The following SP100 variants were observed in gnomAD, a reference collection of about 807,000 sequenced individuals.
SP100 encodes SP100 nuclear body protein, also known as nuclear autoantigen Sp-100.
A neutral mutation model predicts 130.0 loss-of-function variants in SP100; 84 were observed. The observed-to-expected ratio is 0.65, with a 90% CI of 0.54 to 0.77. The LOEUF (loss-of-function observed/expected upper bound fraction) is 0.77. Among genes scored for constraint, SP100 ranks in the 30% least tolerant of loss-of-function variants. The probability of loss-of-function intolerance (pLI) is 0.00; values close to 1 mark genes in which losing one functional copy is unlikely to be tolerated. For synonymous variants in SP100, 331 were observed against 351.7 expected (o/e 0.94, Z 0.66); for missense variants, 978 against 1,052.2 (o/e 0.93, Z 0.97).
At chr2:230,416,390 T>TAGGCACAAACTGAACTAAAGGCA in intron 1 of SP100, 62 bp downstream of exon 1, 2 of 1,422,356 alleles carry the variant, frequency 1.4e-6, no homozygotes, top group Non-Finnish European at 2.0e-6. Flanking sequence ...TTTCATGCCT[T>TAGGCACAAACTGAACTAAAGGCA]TAGTTCAGTT....
chr2:230,499,900 G>A (rs2066919610), intron 19 of SP100, among the ~76,000 whole-genome samples: 1 of 152,072 alleles, frequency 6.6e-6, no homozygotes, highest in African/African-American at 2.4e-5. Context: ...CCAGAGAAAT[G>A]TGGCCTCTCT....
chr2:230,479,711 C>T lies in SP100; in HGVS notation c.1600+5264C>T, dbSNP rs79628673. Among the ~76,000 whole-genome samples the T allele has an allele frequency of 2.9e-3, 447 of 152,344 alleles. 1 individual carries two copies. Among genetic ancestry groups the T allele is most frequent in the African/African-American group, 0.01 (435 of 41,584 alleles). On this transcript the variant is annotated intron_variant, in intron 17 of 28. Transcript: ENST00000340126. ...ATCCCCCAACCAATAGTGTGGAAGGCTTCAGCACAGATGCCAAGATTTTGA... is the reference window on the plus strand; with the variant it reads ...ATCCCCCAACCAATAGTGTGGAAGGTTTCAGCACAGATGCCAAGATTTTGA...
rs370194423 is a variant in SP100, at chr2:230,544,819, A to G, written c.*1873A>G. The stretch of plus-strand genomic sequence containing the variant: ...CCAAAAGAAGATACACATGCGGCCA[A>G]CAAGCATGTTTTAAAAGCTCAATAT... On this transcript the variant is annotated 3_prime_UTR_variant, in exon 29 of 29. Transcript: ENST00000340126. Among the ~76,000 whole-genome samples the G allele has an allele frequency of 1.3e-5, 2 of 152,236 alleles. No individual in the cohort carries two copies. Among genetic ancestry groups the G allele is most frequent in the South Asian group, 2.1e-4 (1 of 4,834 alleles).
chr2:230,450,958 T>C (rs2063950856), intron 8 of SP100, among the ~76,000 whole-genome samples: 1 of 152,206 alleles, frequency 6.6e-6, no homozygotes, highest in Admixed American at 6.5e-5. Flanking sequence ...AGAGCAGATA[T>C]CTCTTCCATA....
chr2:230,474,136 G>T (rs1460549224), intron 16 of SP100, among the ~76,000 whole-genome samples: 2 of 152,164 alleles, frequency 1.3e-5, no homozygotes, highest in Non-Finnish European at 2.9e-5. Context: ...AGCTGAACAG[G>T]ATAACCGTTG....
chr2:230,481,344 GTCA>G (rs928112017), intron 17 of SP100, among the ~76,000 whole-genome samples: 9 of 152,038 alleles, frequency 5.9e-5, no homozygotes, highest in African/African-American at 2.2e-4. Flanking sequence ...TCCCAAACTT[GTCA>G]TCCTCATCAG....
chr2:230,437,013 T>C (rs2063314740), intron 2 of SP100, among the ~76,000 whole-genome samples: 1 of 151,908 alleles, frequency 6.6e-6, no homozygotes, highest in Non-Finnish European at 1.5e-5. Flanking sequence ...CACACACACA[T>C]ATATATGTAA....
chr2:230,469,187 A>G, intron 14 of SP100, 91 bp downstream of exon 14: 2 of 820,920 alleles, frequency 2.4e-6, no homozygotes, highest in South Asian at 3.3e-5. Flanking sequence ...TTTAAAATAA[A>G]AAATTAATTT....
At chr2:230,542,810 T>G in intron 28 of SP100, 26 bp from the exon 29 acceptor site, 2 of 1,387,946 alleles carry the variant, frequency 1.4e-6, no homozygotes, top group Non-Finnish European at 2.1e-6. Flanking sequence ...ATAACTGCTA[T>G]ATTGTTTTTT....
intron 2 of SP100, chr2:230,440,341 A>G (rs1346948995): frequency 4.0e-6 from 1 of 251,624 alleles, no homozygotes; most frequent in Admixed American, 5.5e-5. Context: ...GTTTCAAACC[A>G]ATTATATTTT....
intron 2 of SP100, among the ~76,000 whole-genome samples, chr2:230,434,203 A>G (rs2063180235): frequency 2.0e-5 from 3 of 152,090 alleles, no homozygotes; most frequent in Non-Finnish European, 2.9e-5. Context: ...TTTTCACTGA[A>G]CAACAAAACT....
At chr2:230,480,166 A>G (rs1484401365) in intron 17 of SP100, among the ~76,000 whole-genome samples, 1 of 152,220 alleles carries the variant, frequency 6.6e-6, no homozygotes, top group South Asian at 2.1e-4. Context: ...CATAAGCTCT[A>G]CGCCAGCAAG....
intron 25 of SP100, 137 bp from the exon 26 acceptor site, chr2:230,540,739 T>C (rs530159906): frequency 9.1e-7 from 1 of 1,093,980 alleles, no homozygotes; most frequent in African/African-American, 1.6e-5. Flanking sequence ...GGGGCTCTAG[T>C]GCAGAGGCCT....
intron 25 of SP100, among the ~76,000 whole-genome samples, chr2:230,540,007 T>C (rs1026821540): frequency 6.6e-6 from 1 of 152,132 alleles, no homozygotes; most frequent in African/African-American, 2.4e-5. Flanking sequence ...GCATTGCCCT[T>C]CCATAATGGA....
chr2:230,535,381 A>G (rs2150112084), intron 24 of SP100, among the ~76,000 whole-genome samples: 1 of 152,314 alleles, frequency 6.6e-6, no homozygotes, highest in African/African-American at 2.4e-5. Flanking sequence ...CTAACCTAAT[A>G]TGAAGCAGAG....
chr2:230,485,756 A>G (rs2066051959), intron 17 of SP100, among the ~76,000 whole-genome samples: 1 of 152,200 alleles, frequency 6.6e-6, no homozygotes. Flanking sequence ...TTTGTAATTC[A>G]GTCTCTCAAA....
intron 24 of SP100, among the ~76,000 whole-genome samples, chr2:230,531,417 G>T (rs860704): frequency 0.16 from 24,302 of 151,230 alleles, 2,308 homozygotes; most frequent in Non-Finnish European, 0.22. Flanking sequence ...GGGGCCTGTT[G>T]GGGGGTTGAG....
intron 18 of SP100, among the ~76,000 whole-genome samples, chr2:230,495,704 C>T (rs1262489019): frequency 1.3e-5 from 2 of 152,088 alleles, no homozygotes; most frequent in Non-Finnish European, 2.9e-5. Context: ...TTATTGCATT[C>T]CTCCTTTTCT....
At chr2:230,501,934 T>C (rs1047178952) in intron 19 of SP100, among the ~76,000 whole-genome samples, 1 of 152,148 alleles carries the variant, frequency 6.6e-6, no homozygotes. Context: ...AGTGGCGTGA[T>C]CTTGGCTCGC....
Sources: gnomAD v4.1 joint callset for allele counts (sites outside exome capture counted in the v4.1 genomes callset) on GRCh38, gnomAD v4.1.1 for gene constraint, MANE v1.5 for transcripts, NCBI Gene and HGNC (gene_info 2026-07-23, HGNC 2026-07-21) for gene names.